Variants in ODAD1 observed in about 807,000 individuals in gnomAD.
ODAD1 encodes outer dynein arm docking complex subunit 1, also known as outer dynein arm-docking complex subunit 1.
ODAD1 carries 49 observed loss-of-function variants against 67.2 expected under a neutral mutation model. That is an observed-to-expected ratio of 0.73 (90% CI 0.58 to 0.92). The LOEUF is 0.92. Ranked by LOEUF, ODAD1 falls within the 40% of genes least tolerant of loss-of-function variation. ODAD1 has a pLI of 0.00. For synonymous variants in ODAD1, 345 were observed against 393.7 expected (o/e 0.88, Z 1.46); for missense variants, 897 against 953.7 (o/e 0.94, Z 0.78).
rs77393922 is a variant in ODAD1, at chr19:48,301,362, G to A, written c.1240+1332C>T. Among the ~76,000 whole-genome samples the A allele has an allele frequency of 7.0e-3, 1,074 of 152,348 alleles. 19 individuals carry two copies. Among genetic ancestry groups the A allele is most frequent in the African/African-American group, 0.024 (1,010 of 41,580 alleles). On this transcript the variant is annotated intron_variant, in intron 12 of 15. Coordinates refer to ENST00000674294, the MANE Select transcript of ODAD1 (RefSeq NM_001364171.2). ...ATGATCCATGGATGAATACTGGGTA[G>A]ATGGATGGATGGGTGGATGATGGAT...
chr19:48,310,397 C>T (rs894382902), intron 7 of ODAD1, among the ~76,000 whole-genome samples: 7 of 152,084 alleles, frequency 4.6e-5, no homozygotes, highest in Non-Finnish European at 1.0e-4. Flanking sequence ...AGATTCTGGA[C>T]CGGAGCCTAG....
At chr19:48,312,457 C>T (rs947837069) in intron 5 of ODAD1, among the ~76,000 whole-genome samples, 5 of 138,972 alleles carry the variant, frequency 3.6e-5, no homozygotes, top group Non-Finnish European at 7.6e-5. Context: ...CTCTGTCTCC[C>T]AGGCTGGAGT....
At chr19:48,311,520 C>T in intron 7 of ODAD1, 33 bp downstream of exon 7, 2 of 1,295,540 alleles carry the variant, frequency 1.5e-6, no homozygotes, top group Non-Finnish European at 2.2e-6. Flanking sequence ...GCAGGGGTCC[C>T]TGTCTCCTCC....
intron 12 of ODAD1, among the ~76,000 whole-genome samples, chr19:48,301,537 T>C (rs2147313327): frequency 6.6e-6 from 1 of 152,356 alleles, no homozygotes; most frequent in South Asian, 2.1e-4. Flanking sequence ...ACATTTTTGG[T>C]AACTAAGACT....
chr19:48,312,401 T>A (rs765789427), intron 5 of ODAD1, among the ~76,000 whole-genome samples: 3 of 69,820 alleles, frequency 4.3e-5, no homozygotes, highest in South Asian at 9.7e-4. Flanking sequence ...CTCCTTTCCG[T>A]TTTTTTTTTT....
Position 48,304,139 on chromosome 19 carries a change from C to T in ODAD1, c.667G>A (p.Glu223Lys), listed in dbSNP as rs773119584. 1.9e-5 allele frequency: 30 copies of T among 1,604,304 alleles called. No individual in the cohort carries two copies. The Middle Eastern group carries it at 6.6e-4, about 36-fold the overall frequency. ...LSSTSAYAVR[E>K]EAKAKMGLLR... is the part of the protein sequence containing the mutation. ...AAGCCCATCTTGGCCTTCGCCTCCT[C>T]CCTGCGGGGGTCAGCCGGGGTCAGG... Residue 223 changes from glutamate (E) to lysine (K), a missense_variant and splice_region_variant, in exon 9 of 16, where the codon GAG (glutamate) becomes AAG (lysine). Physicochemically the swap from Glu to Lys is moderately conservative, Grantham distance 56. Transcript: ENST00000674294.
At chr19:48,307,047 G>C (rs1437489261) in intron 7 of ODAD1, among the ~76,000 whole-genome samples, 1 of 152,152 alleles carries the variant, frequency 6.6e-6, no homozygotes, top group Non-Finnish European at 1.5e-5. Flanking sequence ...AACCAGGCGT[G>C]GTGGTGCATG....
At chr19:48,320,965 G>T (rs1028688761) in intron 1 of ODAD1, among the ~76,000 whole-genome samples, 154 bp from the exon 2 acceptor site, 5 of 152,168 alleles carry the variant, frequency 3.3e-5, no homozygotes, top group African/African-American at 1.2e-4. Flanking sequence ...GGCCAGGCGC[G>T]GTGGCTCACG....
Position 48,297,589 on chromosome 19 carries a change from C to T in ODAD1, c.1581+1G>A. The T allele has an allele frequency of 6.4e-7, 1 of 1,552,984 alleles. No homozygotes were observed. Among genetic ancestry groups the T allele is most frequent in the Non-Finnish European group, 8.7e-7 (1 of 1,152,986 alleles). On this transcript the variant is annotated splice_donor_variant, in intron 15 of 15. Coordinates refer to ENST00000674294, the MANE Select transcript of ODAD1 (RefSeq NM_001364171.2). LOFTEE classifies it high-confidence loss of function. ...CCCACCCCCGCAGGCCCCACTCTCACCAGCTTCTCCACTTGGCTCAGCAGC... is the reference window on the plus strand; with the variant it reads ...CCCACCCCCGCAGGCCCCACTCTCATCAGCTTCTCCACTTGGCTCAGCAGC...
rs758055105 is a variant in ODAD1 at position 48,320,408 on chromosome 19, A to G, written c.-23-17T>C. On this transcript the variant is annotated splice_polypyrimidine_tract_variant and intron_variant, in intron 2 of 15. Transcript: ENST00000674294. ...GTGGGGCTCCTGTAGGGATGGACAT[A>G]TAAGACCCTTCAGACAGCAGGCGGG... 1.6e-6 allele frequency: 2 copies of G among 1,263,290 alleles called. No homozygotes were observed. Among genetic ancestry groups the G allele is most frequent in the Non-Finnish European group, 2.1e-6 (2 of 971,202 alleles). The allele number at this position is 1,263,290 out of a possible 1,614,324, so 78.3% of individuals were successfully genotyped here.
chr19:48,320,278 T>C (rs761061730), intron 3 of ODAD1, 21 bp downstream of exon 3: 1 of 1,238,584 alleles, frequency 8.1e-7, no homozygotes, highest in South Asian at 1.3e-5. Context: ...GGGTGAATGA[T>C]ATAAAGAATG....
chr19:48,321,652 G>T, intron 1 of ODAD1, 26 bp downstream of exon 1: 3 of 385,780 alleles, frequency 7.8e-6, no homozygotes, highest in Non-Finnish European at 1.4e-5. Flanking sequence ...GTCCTGGGGA[G>T]GTCGAGGCTG....
At chr19:48,305,935 T>C (rs981626646) in intron 8 of ODAD1, among the ~76,000 whole-genome samples, 5 of 151,894 alleles carry the variant, frequency 3.3e-5, no homozygotes, top group Non-Finnish European at 7.4e-5. Context: ...GCCGGGCACC[T>C]GTAATCCCAG....
At chr19:48,315,908 C>T (rs865998279) in intron 5 of ODAD1, among the ~76,000 whole-genome samples, 1 of 152,172 alleles carries the variant, frequency 6.6e-6, no homozygotes, top group Non-Finnish European at 1.5e-5. Context: ...CTCGTCCACT[C>T]GACCACCGAT....
chr19:48,302,726 T>A lies in ODAD1; in HGVS notation c.1208A>T (p.Asp403Val). 6.2e-7 allele frequency: 1 copy of A among 1,612,516 alleles called. No homozygotes were observed. Among genetic ancestry groups the A allele is most frequent in the Non-Finnish European group, 8.5e-7 (1 of 1,179,988 alleles). Residue 403 changes from aspartate to valine, a missense_variant, in exon 12 of 16, where the codon GAT becomes GTT. Asp to Val is a radical substitution (Grantham distance 152). Transcript: ENST00000674294. Reference sequence around the variant, plus strand: ...GAGCTTCTCCAGCTGTCCCCGCACATCCTGGAAGCGGGCCTCAAGGCGCTC... The same window carrying A: ...GAGCTTCTCCAGCTGTCCCCGCACAACCTGGAAGCGGGCCTCAAGGCGCTC... ...EAERLEARFQ[D>V]VRGQLEKLKA...
intron 7 of ODAD1, among the ~76,000 whole-genome samples, chr19:48,308,294 C>A (rs1968669687): frequency 6.6e-6 from 1 of 152,098 alleles, no homozygotes; most frequent in African/African-American, 2.4e-5. Flanking sequence ...CCTGCCTCAG[C>A]CTCCCAAGTA....
intron 3 of ODAD1, chr19:48,320,055 A>G: frequency 1.4e-5 from 15 of 1,055,042 alleles, no homozygotes; most frequent in Non-Finnish European, 1.7e-5. Context: ...CCCCTTGGCA[A>G]TTCCTACAGG....
rs1215496518 is a variant in ODAD1 at position 48,296,885 on chromosome 19, CAG to C, written c.*89_*90del. ...GAGGCCTGCCACTGGGAGAAAAAGA[CAG>C]AGACCCACAAGGCAAACAGGGGAAG... On this transcript the variant is annotated 3_prime_UTR_variant, in exon 16 of 16. Coordinates refer to ENST00000674294, the MANE Select transcript of ODAD1 (RefSeq NM_001364171.2). 8 of 1,444,056 alleles carry C rather than the reference CAG, an allele frequency of 5.5e-6. No homozygotes were observed. The highest frequency in any genetic ancestry group is 1.4e-5 in the African/African-American group (1 of 69,790). The allele number at this position is 1,444,056 out of a possible 1,614,324, so 89.5% of individuals were successfully genotyped here. A position where few individuals can be genotyped will look rare whatever the true frequency, so the allele number is the denominator to read the frequency against.
At chr19:48,319,622 G>A (rs1413930932) in intron 3 of ODAD1, 1 of 163,034 alleles carries the variant, frequency 6.1e-6, no homozygotes, top group African/African-American at 2.4e-5. Context: ...CCACCTCGCA[G>A]GCTCAAGTGA....
Sources: allele counts gnomAD v4.1 joint callset (sites outside exome capture counted in the v4.1 genomes callset), GRCh38; gene constraint gnomAD v4.1.1; transcripts MANE v1.5; gene names NCBI Gene and HGNC (gene_info 2026-07-23, HGNC 2026-07-21).